KCNMA1: variants seen among roughly 807,000 people sequenced by gnomAD.
The protein encoded by KCNMA1 is Calcium-activated potassium channel subunit alpha-1.
A neutral mutation model predicts 140.0 loss-of-function variants in KCNMA1; 29 were observed. The observed-to-expected ratio is 0.21, with a 90% CI of 0.15 to 0.28. KCNMA1 has a LOEUF of 0.28. Among genes scored for constraint, KCNMA1 ranks in the 10% least tolerant of loss-of-function variants. The pLI is 1.00. For missense variants in KCNMA1, 880 were observed against 1,602.2 expected, an observed-to-expected ratio of 0.55 and a Z score of 7.70; for synonymous variants, 612 against 611.9, an observed-to-expected ratio of 1.00 and a Z score of 0.00.
chr10:77,506,742 T>TGTGTGTG (rs2046203042), intron 1 of KCNMA1, among the ~76,000 whole-genome samples: 1 of 48,520 alleles, frequency 2.1e-5, no homozygotes, highest in Admixed American at 2.3e-4. Context: ...GTGTGTGTGT[T>TGTGTGTG]TGTTAGAGAG....
intron 16 of KCNMA1, among the ~76,000 whole-genome samples, chr10:77,025,226 G>A (rs1203725310): frequency 8.9e-6 from 1 of 112,668 alleles, no homozygotes; most frequent in Admixed American, 1.0e-4. Context: ...TACTCTAGTT[G>A]GAGAGGGGTG....
intron 1 of KCNMA1, among the ~76,000 whole-genome samples, chr10:77,404,900 ATCCT>A (rs3851036): frequency 0.14 from 21,615 of 152,096 alleles, 2,323 homozygotes; most frequent in African/African-American, 0.3. Context: ...AGGAAAAGTC[ATCCT>A]TCCCTGAGAA....
At chr10:76,977,750 C>A in intron 19 of KCNMA1, 1 of 653,720 alleles carries the variant, frequency 1.5e-6, no homozygotes, top group Non-Finnish European at 2.8e-6. Context: ...CTGTCCCTAC[C>A]ACCCAACCTG....
intron 1 of KCNMA1, among the ~76,000 whole-genome samples, chr10:77,459,282 C>G (rs1201705097): frequency 1.3e-5 from 2 of 152,236 alleles, no homozygotes; most frequent in East Asian, 3.8e-4. Context: ...TTGACAGCTT[C>G]TTCGCAATGG....
intron 2 of KCNMA1, among the ~76,000 whole-genome samples, chr10:77,272,828 A>G (rs1050890983): frequency 2.0e-5 from 3 of 152,172 alleles, no homozygotes; most frequent in Non-Finnish European, 2.9e-5. Flanking sequence ...CACCTTTAAG[A>G]TTCCTTGCCA....
intron 9 of KCNMA1, among the ~76,000 whole-genome samples, chr10:77,095,227 G>A: frequency 6.6e-6 from 1 of 152,294 alleles, no homozygotes; most frequent in East Asian, 1.9e-4. Context: ...CACTCAATTT[G>A]TGAAGATGAC....
chr10:77,159,378 T>C (rs1343771914), intron 5 of KCNMA1, among the ~76,000 whole-genome samples: 1 of 151,912 alleles, frequency 6.6e-6, no homozygotes, highest in Non-Finnish European at 1.5e-5. Context: ...CTATCTTAGA[T>C]AGATGTTCCC....
At chr10:77,635,231 G>T (rs1603639224) in intron 1 of KCNMA1, 1 of 152,094 alleles carries the variant, frequency 6.6e-6, no homozygotes, top group Non-Finnish European at 1.5e-5. Flanking sequence ...GTGTGCGATG[G>T]GATTAGCATT....
intron 25 of KCNMA1, among the ~76,000 whole-genome samples, chr10:76,899,957 T>C (rs2044364664): frequency 6.6e-6 from 1 of 152,186 alleles, no homozygotes; most frequent in Admixed American, 6.5e-5. Context: ...CCTGCAAAAC[T>C]ATTGGCTAGG....
chr10:77,203,055 AC>A (rs1319943159), intron 3 of KCNMA1, among the ~76,000 whole-genome samples: 1 of 152,176 alleles, frequency 6.6e-6, no homozygotes, highest in African/African-American at 2.4e-5. Flanking sequence ...TTAACCTGAC[AC>A]CGTTATTACC....
At chr10:77,080,153 G>C (rs2096528229) in intron 12 of KCNMA1, among the ~76,000 whole-genome samples, 1 of 152,170 alleles carries the variant, frequency 6.6e-6, no homozygotes, top group Admixed American at 6.5e-5. Flanking sequence ...TCTGCACTGG[G>C]CTCATGGGAC....
Position 77,000,358 on chromosome 10 carries a change from C to T in KCNMA1, c.2266+1049G>A, listed in dbSNP as rs530777897. Among the ~76,000 whole-genome samples the T allele has an allele frequency of 2.6e-5, 4 of 152,310 alleles. No individual in the cohort carries two copies. In the South Asian group the frequency reaches 6.2e-4, roughly 24 times the overall value. ...AGCCTTTTCTGCACTTGGACCAAGACCCACAGTCCCAGGGTCTCAAACTGG... is the reference window on the plus strand; with the variant it reads ...AGCCTTTTCTGCACTTGGACCAAGATCCACAGTCCCAGGGTCTCAAACTGG... On this transcript the variant is annotated intron_variant, in intron 19 of 27. Transcript: ENST00000286628.
intron 12 of KCNMA1, among the ~76,000 whole-genome samples, chr10:77,081,397 T>C (rs183141306): frequency 7.2e-5 from 11 of 152,290 alleles, no homozygotes; most frequent in African/African-American, 2.4e-4. Context: ...AGAAGTGACA[T>C]TGTACATTTC....
chr10:77,475,007 C>T (rs916194418), intron 1 of KCNMA1, among the ~76,000 whole-genome samples: 2 of 152,164 alleles, frequency 1.3e-5, no homozygotes, highest in African/African-American at 4.8e-5. Flanking sequence ...GGGACAACTG[C>T]AGAAGGAGCA....
At chr10:77,357,903 A>C (rs1177912049) in intron 2 of KCNMA1, among the ~76,000 whole-genome samples, 1 of 152,232 alleles carries the variant, frequency 6.6e-6, no homozygotes, top group Non-Finnish European at 1.5e-5. Context: ...GAATGGCTTA[A>C]AAATCAAAGA....
chr10:77,286,557 C>G (rs1230283712), intron 2 of KCNMA1, among the ~76,000 whole-genome samples: 2 of 152,130 alleles, frequency 1.3e-5, no homozygotes, highest in African/African-American at 4.8e-5. Flanking sequence ...CATAAACAGA[C>G]AGTGTTCTGT....
intron 18 of KCNMA1, among the ~76,000 whole-genome samples, chr10:77,007,673 A>ATATATATATATATATATATATATATG (rs201799760): frequency 1.2e-4 from 17 of 142,488 alleles, no homozygotes; most frequent in African/African-American, 4.2e-4. Context: ...ATATATATAT[A>ATATATATATATATATATATATATATG]TATGTATCAC....
chr10:77,463,244 C>T (rs1566980164), intron 1 of KCNMA1, among the ~76,000 whole-genome samples: 1 of 152,154 alleles, frequency 6.6e-6, no homozygotes, highest in Non-Finnish European at 1.5e-5. Flanking sequence ...AAGATACCAC[C>T]CACCATCATT....
At chr10:76,969,577 G>A (rs527405947) in intron 20 of KCNMA1, among the ~76,000 whole-genome samples, 1 of 152,178 alleles carries the variant, frequency 6.6e-6, no homozygotes, top group Non-Finnish European at 1.5e-5. Context: ...ACAGAAAACA[G>A]TCCTCGGAGG....
Sources: gnomAD v4.1 joint callset for allele counts (sites outside exome capture counted in the v4.1 genomes callset) on GRCh38, gnomAD v4.1.1 for gene constraint, MANE v1.5 for transcripts, NCBI Gene and HGNC (gene_info 2026-07-23, HGNC 2026-07-21) for gene names.